TMEM132C: variants seen among roughly 807,000 people sequenced by gnomAD.
TMEM132C encodes protein phosphatase 1, regulatory subunit 152.
TMEM132C carries 29 observed loss-of-function variants against 61.4 expected under a neutral mutation model. That is an observed-to-expected ratio of 0.47 (90% CI 0.35 to 0.64). The LOEUF (loss-of-function observed/expected upper bound fraction) is 0.64, where lower values mean the gene tolerates loss of function less well. Ranked by LOEUF, TMEM132C falls within the 30% of genes least tolerant of loss-of-function variation. The pLI, the probability that TMEM132C is intolerant of heterozygous loss-of-function variation, is 0.00. For missense variants in TMEM132C, 1,408 were observed against 1,476.9 expected (o/e 0.95, Z 0.76); for synonymous variants, 656 against 633.1 (o/e 1.04, Z -0.54).
At chr12:128,548,630 C>G (rs764421678) in intron 3 of TMEM132C, among the ~76,000 whole-genome samples, 3 of 152,120 alleles carry the variant, frequency 2.0e-5, no homozygotes, top group Non-Finnish European at 4.4e-5. Flanking sequence ...GTTCTAGGCA[C>G]TAGGATGTGG....
intron 1 of TMEM132C, among the ~76,000 whole-genome samples, chr12:128,272,469 A>G (rs1870555618): frequency 6.6e-6 from 1 of 152,228 alleles, no homozygotes; most frequent in Non-Finnish European, 1.5e-5. Context: ...ATGTTGCTAT[A>G]AATATTCACC....
chr12:128,564,859 G>C (rs1046109657), intron 3 of TMEM132C, among the ~76,000 whole-genome samples: 5 of 152,152 alleles, frequency 3.3e-5, no homozygotes, highest in African/African-American at 1.2e-4. Context: ...CTTCTGACAT[G>C]GTCTCCAGGG....
In TMEM132C at chr12:128,616,345, G is replaced by C; in HGVS notation, c.1305+10G>C. On this transcript the variant is annotated intron_variant, in intron 4 of 8. Coordinates refer to ENST00000435159, the MANE Select transcript of TMEM132C (RefSeq NM_001136103.3). ...CGTTCCCTTGGCTATGGTGAGTCCT[G>C]AGTTACCTTGGATGCTCCTGCATTC... 1 of 1,547,570 alleles carries C rather than the reference G, an allele frequency of 6.5e-7. No individual in the cohort carries two copies. The highest frequency in any genetic ancestry group is 8.7e-7 in the Non-Finnish European group (1 of 1,144,338).
chr12:128,319,919 C>T (rs1872274924), intron 1 of TMEM132C, among the ~76,000 whole-genome samples: 1 of 151,964 alleles, frequency 6.6e-6, no homozygotes, highest in African/African-American at 2.4e-5. Flanking sequence ...TAAGAAAGTC[C>T]TGCTCTGTGT....
At chr12:128,476,596 A>C (rs929660126) in intron 2 of TMEM132C, among the ~76,000 whole-genome samples, 1 of 152,214 alleles carries the variant, frequency 6.6e-6, no homozygotes, top group Non-Finnish European at 1.5e-5. Flanking sequence ...TTAGAAGAAA[A>C]AGAAAACACA....
chr12:128,405,191 G>T (rs1230626809), intron 1 of TMEM132C, among the ~76,000 whole-genome samples: 1 of 152,166 alleles, frequency 6.6e-6, no homozygotes, highest in Non-Finnish European at 1.5e-5. Context: ...GCAATGCCAT[G>T]GCAGCCCTGG....
chr12:128,426,698 TC>T (rs1869195916), intron 2 of TMEM132C, among the ~76,000 whole-genome samples: 1 of 152,022 alleles, frequency 6.6e-6, no homozygotes, highest in Middle Eastern at 3.2e-3. Flanking sequence ...ACATCCCCTG[TC>T]CCCCTCCGCA....
chr12:128,678,110 G>A (rs1177754323), intron 5 of TMEM132C, among the ~76,000 whole-genome samples: 1 of 152,202 alleles, frequency 6.6e-6, no homozygotes, highest in Non-Finnish European at 1.5e-5. Flanking sequence ...TACTGCTTTC[G>A]GGTGGCATCC....
At chr12:128,364,144 AC>A (rs1462989033) in intron 1 of TMEM132C, among the ~76,000 whole-genome samples, 3 of 152,122 alleles carry the variant, frequency 2.0e-5, no homozygotes, top group Non-Finnish European at 4.4e-5. Context: ...CCCGCATCTG[AC>A]CTGACCCATA....
chr12:128,458,322 CAT>C (rs1301218948), intron 2 of TMEM132C, among the ~76,000 whole-genome samples: 2 of 147,338 alleles, frequency 1.4e-5, no homozygotes, highest in African/African-American at 4.9e-5. Context: ...TTATATATTA[CAT>C]ATTTATTATA....
Position 128,295,953 on chromosome 12 carries a change from C to T in TMEM132C, c.85+28466C>T, listed in dbSNP as rs570919227. ...CTTCAGGTTGTAATGGGATATTCAA[C>T]ACATAATAAGCAGTGAAATGCATCT... On this transcript the variant is annotated intron_variant, in intron 1 of 8. Coordinates refer to ENST00000435159, the MANE Select transcript of TMEM132C (RefSeq NM_001136103.3). Among the ~76,000 whole-genome samples, 289 of 152,292 alleles carry T rather than the reference C, an allele frequency of 1.9e-3. 1 individual carries two copies. The highest frequency in any genetic ancestry group is 6.8e-3 in the Middle Eastern group (2 of 294).
chr12:128,535,058 G>T (rs1389485725), intron 2 of TMEM132C, among the ~76,000 whole-genome samples: 1 of 152,164 alleles, frequency 6.6e-6, no homozygotes, highest in African/African-American at 2.4e-5. Flanking sequence ...CACAACTGGG[G>T]CATTCATTTC....
intron 1 of TMEM132C, among the ~76,000 whole-genome samples, chr12:128,308,972 C>G (rs1490515040): frequency 6.6e-6 from 1 of 151,810 alleles, no homozygotes; most frequent in Non-Finnish European, 1.5e-5. Context: ...GGATAATTGT[C>G]ATTGCTCTGC....
intron 3 of TMEM132C, among the ~76,000 whole-genome samples, chr12:128,558,292 T>C (rs1478109529): frequency 6.6e-6 from 1 of 152,270 alleles, no homozygotes; most frequent in Non-Finnish European, 1.5e-5. Flanking sequence ...TCACCTTGAA[T>C]TGTAGCTCCC....
At chr12:128,464,202 C>T (rs182422279) in intron 2 of TMEM132C, among the ~76,000 whole-genome samples, 54 of 152,280 alleles carry the variant, frequency 3.5e-4, no homozygotes, top group Non-Finnish European at 6.2e-4. Context: ...TGGAGAATAC[C>T]GTTCATGAGC....
chr12:128,604,922 A>G (rs1003610354), intron 3 of TMEM132C, among the ~76,000 whole-genome samples: 11 of 151,770 alleles, frequency 7.2e-5, no homozygotes, highest in African/African-American at 2.7e-4. Context: ...GGATGGATGG[A>G]TGCATGGATG....
At chr12:128,549,596 C>T (rs1461124992) in intron 3 of TMEM132C, among the ~76,000 whole-genome samples, 2 of 152,056 alleles carry the variant, frequency 1.3e-5, no homozygotes, top group African/African-American at 4.8e-5. Context: ...GGAGTCTTAT[C>T]GGGGGAAGTT....
At chr12:128,564,111 C>T (rs914412559) in intron 3 of TMEM132C, among the ~76,000 whole-genome samples, 8 of 152,184 alleles carry the variant, frequency 5.3e-5, no homozygotes, top group Non-Finnish European at 1.0e-4. Context: ...TGTCTCCTTG[C>T]GCCTCACATG....
intron 2 of TMEM132C, among the ~76,000 whole-genome samples, chr12:128,435,782 A>G (rs1020308133): frequency 1.3e-5 from 2 of 152,326 alleles, no homozygotes; most frequent in African/African-American, 4.8e-5. Flanking sequence ...TCTTCACAGA[A>G]CTGGAAAAAA....
Sources: allele counts gnomAD v4.1 joint callset (sites outside exome capture counted in the v4.1 genomes callset), GRCh38; gene constraint gnomAD v4.1.1; transcripts MANE v1.5; gene names NCBI Gene and HGNC (gene_info 2026-07-23, HGNC 2026-07-21).